The following CFAP54 variants were observed in gnomAD, a reference collection of about 807,000 sequenced individuals.
CFAP54 encodes cilia- and flagella-associated protein 54.
Under a neutral mutation model 370.4 loss-of-function variants are expected in CFAP54, and 290 were observed. That is an observed-to-expected ratio of 0.78 (90% CI 0.71 to 0.86). CFAP54 has a LOEUF of 0.86. Among genes scored for constraint, CFAP54 ranks in the 40% least tolerant of loss-of-function variants. CFAP54 has a pLI of 0.00. For missense variants in CFAP54, 3,399 were observed against 3,528.7 expected, an observed-to-expected ratio of 0.96 and a Z score of 0.93; for synonymous variants, 1,206 against 1,236.5, an observed-to-expected ratio of 0.98 and a Z score of 0.52.
chr12:96,785,078 T>C (rs1005246487), intron 61 of CFAP54, among the ~76,000 whole-genome samples, 188 bp downstream of exon 61: 4 of 152,206 alleles, frequency 2.6e-5, no homozygotes, highest in Non-Finnish European at 4.4e-5. Context: ...TCAATGTAAT[T>C]GGTTTCTTTA....
chr12:96,610,503 T>A (rs1041944013), intron 26 of CFAP54, among the ~76,000 whole-genome samples: 12 of 152,130 alleles, frequency 7.9e-5, no homozygotes, highest in Admixed American at 2.0e-4. Flanking sequence ...ATTTCTGCAT[T>A]TCCAACTGAG....
At chr12:96,818,042 A>T (rs1958996297) in intron 65 of CFAP54, 129 bp downstream of exon 65, 1 of 650,274 alleles carries the variant, frequency 1.5e-6, no homozygotes, top group East Asian at 3.3e-5. Context: ...ACGAGACATG[A>T]CTCAACTTTT....
chr12:96,777,415 T>G (rs1178950391), intron 60 of CFAP54, among the ~76,000 whole-genome samples: 8 of 151,532 alleles, frequency 5.3e-5, no homozygotes, highest in Admixed American at 4.6e-4. Context: ...AATGGCGCAA[T>G]CTCGCCTCCC....
At position 96,764,216 on chromosome 12, in the gene CFAP54, A is replaced by T. The variant is rs773733363; in HGVS notation, c.8106A>T (p.Ser2702=). 1.2e-6 allele frequency: 2 copies of T among 1,613,186 alleles called. No homozygotes were observed. Among genetic ancestry groups the T allele is most frequent in the East Asian group, 2.2e-5 (1 of 44,832 alleles). Residue 2702 remains serine, a synonymous_variant, in exon 59 of 68, where the codon TCA becomes TCT. Transcript: ENST00000524981. ...TSANKFEMYS[S]LAWIAIRAAA... is the part of the protein sequence containing the mutation. ...CAAATAAATTTGAAATGTACAGTTC[A>T]TTAGCCTGGATTGCAATAAGAGCTG...
chr12:96,548,631 CT>C (rs1955664237), intron 15 of CFAP54, among the ~76,000 whole-genome samples: 1 of 152,142 alleles, frequency 6.6e-6, no homozygotes, highest in African/African-American at 2.4e-5. Flanking sequence ...CAACTGAGTA[CT>C]TTATGCTGTC....
At chr12:96,693,071 C>G (rs1228965489) in intron 44 of CFAP54, among the ~76,000 whole-genome samples, 1 of 152,104 alleles carries the variant, frequency 6.6e-6, no homozygotes, top group East Asian at 1.9e-4. Context: ...ACTTCAAGAG[C>G]AATTGAACTT....
chr12:96,731,635 T>C (rs1284793230), intron 50 of CFAP54, among the ~76,000 whole-genome samples: 1 of 152,196 alleles, frequency 6.6e-6, no homozygotes, highest in East Asian at 1.9e-4. Context: ...AATTTTCTAA[T>C]ATTTAGATTT....
At chr12:96,606,277 C>T (rs1460656040) in intron 26 of CFAP54, among the ~76,000 whole-genome samples, 1 of 152,140 alleles carries the variant, frequency 6.6e-6, no homozygotes, top group East Asian at 1.9e-4. Flanking sequence ...CTTAGAGGTT[C>T]ATGACCAATT....
chr12:96,760,313 C>T (rs1322701896), intron 58 of CFAP54, among the ~76,000 whole-genome samples: 1 of 151,936 alleles, frequency 6.6e-6, no homozygotes, highest in Non-Finnish European at 1.5e-5. Flanking sequence ...GAAATTAATG[C>T]ATTTTAAGAC....
intron 1 of CFAP54, among the ~76,000 whole-genome samples, chr12:96,490,713 A>T (rs1954872704): frequency 1.3e-5 from 1 of 79,252 alleles, no homozygotes; most frequent in South Asian, 5.8e-4. Flanking sequence ...ATAATAAATA[A>T]ATAAAATAAA....
intron 67 of CFAP54, among the ~76,000 whole-genome samples, chr12:96,873,582 A>T (rs1273736263): frequency 6.6e-6 from 1 of 152,162 alleles, no homozygotes; most frequent in East Asian, 1.9e-4. Context: ...CAGTTCCAAG[A>T]CACATTCTCA....
intron 66 of CFAP54, among the ~76,000 whole-genome samples, chr12:96,839,590 A>T (rs963957970): frequency 6.6e-6 from 1 of 152,242 alleles, no homozygotes; most frequent in African/African-American, 2.4e-5. Context: ...CCCCAAACTT[A>T]GTGGCATAAA....
chr12:96,760,619 G>A (rs1435594894), intron 58 of CFAP54, among the ~76,000 whole-genome samples: 3 of 152,124 alleles, frequency 2.0e-5, no homozygotes, highest in East Asian at 1.9e-4. Flanking sequence ...TGCAACCTCC[G>A]CCTCCTGGGT....
At chr12:96,648,482 A>T (rs778830330) in intron 34 of CFAP54, among the ~76,000 whole-genome samples, 25 of 151,804 alleles carry the variant, frequency 1.6e-4, no homozygotes, top group Non-Finnish European at 2.5e-4. Context: ...TCCAACCAGC[A>T]TCTTCCAAGA....
At chr12:96,572,873 G>T (rs961396899) in intron 19 of CFAP54, 20 of 985,236 alleles carry the variant, frequency 2.0e-5, no homozygotes, top group Admixed American at 6.2e-5. Context: ...TATAGCCATG[G>T]CAGAACACAG....
At chr12:96,874,626 TA>T (rs770448414) in intron 67 of CFAP54, among the ~76,000 whole-genome samples, 3,647 of 34,276 alleles carry the variant, frequency 0.11, 1,329 homozygotes, top group African/African-American at 0.36. Flanking sequence ...TTTTTATTTT[TA>T]TTTTATTTTT....
At chr12:96,858,628 G>A (rs1387120545) in intron 66 of CFAP54, among the ~76,000 whole-genome samples, 1 of 152,060 alleles carries the variant, frequency 6.6e-6, no homozygotes, top group East Asian at 1.9e-4. Context: ...TGTTGAAAAG[G>A]CAATACTGTT....
At chr12:96,723,799 G>A (rs893478356) in intron 50 of CFAP54, among the ~76,000 whole-genome samples, 1 of 147,988 alleles carries the variant, frequency 6.8e-6, no homozygotes, top group Non-Finnish European at 1.5e-5. Flanking sequence ...TTTAGCATTA[G>A]GTATATCTCC....
At chr12:96,581,176 G>A (rs1022320171) in intron 22 of CFAP54, 71 bp downstream of exon 22, 1 of 1,077,384 alleles carries the variant, frequency 9.3e-7, no homozygotes, top group African/African-American at 1.7e-5. Flanking sequence ...AGTAATTTCT[G>A]ATGGAAATAA....
Sources: gnomAD v4.1 joint callset for allele counts (sites outside exome capture counted in the v4.1 genomes callset) on GRCh38, gnomAD v4.1.1 for gene constraint, MANE v1.5 for transcripts, NCBI Gene and HGNC (gene_info 2026-07-23, HGNC 2026-07-21) for gene names.